AFG2B: variants seen among roughly 807,000 people sequenced by gnomAD.
AFG2B encodes the protein AAA ATPase AFG2B.
chr15:45,407,130 G>A, the AFG2B span: 1 of 1,288,778 alleles, frequency 7.8e-7, no homozygotes, highest in South Asian at 1.2e-5. Context: ...CTGCTCAGGT[G>A]TAGTTACCAC....
chr15:45,406,173 C>CT, the AFG2B span, among the ~76,000 whole-genome samples: 1 of 152,104 alleles, frequency 6.6e-6, no homozygotes, highest in Non-Finnish European at 1.5e-5. Context: ...GAAAACATAA[C>CT]TTTTTAAGAG....
chr15:45,417,153 TG>T, the AFG2B span: 1 of 1,287,144 alleles, frequency 7.8e-7, no homozygotes, highest in Non-Finnish European at 1.1e-6. Context: ...ATAAGCATTC[TG>T]GTCCCAAGAA....
chr15:45,414,623 C>T, the AFG2B span: 1 of 1,613,956 alleles, frequency 6.2e-7, no homozygotes, highest in Non-Finnish European at 8.5e-7. Flanking sequence ...ATGGGCCTGA[C>T]ACAACCAAAG....
chr15:45,417,342 T>G, the AFG2B span: 1 of 1,614,144 alleles, frequency 6.2e-7, no homozygotes, highest in South Asian at 1.1e-5. Context: ...TAGATACTGC[T>G]TTGTTACGAC....
chr15:45,421,159 A>G, the AFG2B span: 11 of 1,610,026 alleles, frequency 6.8e-6, no homozygotes, highest in African/African-American at 9.4e-5. Context: ...ACTTGGCTTT[A>G]TATGAAAACT....
the AFG2B span, chr15:45,418,727 A>G: frequency 6.3e-7 from 1 of 1,597,448 alleles, no homozygotes; most frequent in Non-Finnish European, 8.5e-7. Context: ...ACATTTCTGC[A>G]TCTTTTCAAA....
chr15:45,406,969 C>A, the AFG2B span: 1 of 1,233,832 alleles, frequency 8.1e-7, no homozygotes, highest in South Asian at 1.3e-5. Flanking sequence ...TTGAGGGAGA[C>A]AATAAGTAAG....
At chr15:45,415,036 A>G in the AFG2B span, among the ~76,000 whole-genome samples, 1 of 152,080 alleles carries the variant, frequency 6.6e-6, no homozygotes, top group Admixed American at 6.6e-5. Flanking sequence ...TTATATATCT[A>G]TAGCTTTATC....
At chr15:45,405,414 T>C in the AFG2B span, 2 of 1,614,224 alleles carry the variant, frequency 1.2e-6, no homozygotes, top group Non-Finnish European at 8.5e-7. Flanking sequence ...GATTTGGGCC[T>C]TCTTGCAGAA....
the AFG2B span, among the ~76,000 whole-genome samples, chr15:45,415,329 T>A: frequency 6.6e-6 from 1 of 152,086 alleles, no homozygotes; most frequent in African/African-American, 2.4e-5. Context: ...AAACCCCGTC[T>A]CTACTAAAAA....
the AFG2B span, chr15:45,415,581 CAAA>C: frequency 6.2e-7 from 1 of 1,604,404 alleles, no homozygotes. Flanking sequence ...TTTTTCCTAA[CAAA>C]AGATATTTCG....
chr15:45,403,033 CT>C, the AFG2B span: 26 of 1,573,596 alleles, frequency 1.7e-5, no homozygotes, highest in Non-Finnish European at 1.9e-5. Context: ...CGAGGTGCCC[CT>C]GGGAGGTCTT....
the AFG2B span, among the ~76,000 whole-genome samples, chr15:45,415,268 G>A: frequency 2.6e-5 from 4 of 151,994 alleles, no homozygotes; most frequent in East Asian, 5.8e-4. Flanking sequence ...AGGCCAAGGC[G>A]GGTGAATAAC....
At chr15:45,405,073 A>T in the AFG2B span, among the ~76,000 whole-genome samples, 10 of 152,050 alleles carry the variant, frequency 6.6e-5, no homozygotes, top group Admixed American at 6.5e-4. Flanking sequence ...CTATTTTGAA[A>T]TATACGAGAA....
chr15:45,402,473 A>G, the AFG2B span: 1 of 1,609,512 alleles, frequency 6.2e-7, no homozygotes. Context: ...CCGCTCTTAA[A>G]GCTGCTACCC....
the AFG2B span, among the ~76,000 whole-genome samples, chr15:45,411,680 G>A: frequency 3.9e-5 from 6 of 152,164 alleles, no homozygotes; most frequent in African/African-American, 1.4e-4. Context: ...AGCTACTCAG[G>A]AGGATCACTT....
At chr15:45,403,658 C>A in the AFG2B span, 49 of 1,068,082 alleles carry the variant, frequency 4.6e-5, no homozygotes, top group South Asian at 6.2e-4. Flanking sequence ...ATGCAGAGAA[C>A]ACGTTCTCTG....
At chr15:45,405,117 T>G in the AFG2B span, among the ~76,000 whole-genome samples, 2 of 152,162 alleles carry the variant, frequency 1.3e-5, no homozygotes, top group African/African-American at 4.8e-5. Flanking sequence ...TACTACACTA[T>G]CAAACATTAC....
the AFG2B span, among the ~76,000 whole-genome samples, chr15:45,408,850 G>C: frequency 6.6e-6 from 1 of 152,134 alleles, no homozygotes; most frequent in Middle Eastern, 3.2e-3. Context: ...CAATGCCACT[G>C]CACTCCAGCC....
Sources: allele counts gnomAD v4.1 joint callset (sites outside exome capture counted in the v4.1 genomes callset), GRCh38; gene constraint gnomAD v4.1.1; transcripts MANE v1.5; gene names NCBI Gene and HGNC (gene_info 2026-07-23, HGNC 2026-07-21).